Variants in MEIS2 observed in about 807,000 individuals in gnomAD.
The protein encoded by MEIS2 is homeobox protein Meis2.
MEIS2 carries 9 observed loss-of-function variants against 58.6 expected under a neutral mutation model. The ratio of observed to expected loss-of-function variants is 0.15; its 90% confidence interval spans 0.09 to 0.27. MEIS2 has a LOEUF of 0.27. Ranked by LOEUF, MEIS2 falls within the 10% of genes least tolerant of loss-of-function variation. MEIS2 has a pLI of 1.00. For synonymous variants in MEIS2, 221 were observed against 228.4 expected, an observed-to-expected ratio of 0.97 and a Z score of 0.29; for missense variants, 427 against 635.0, an observed-to-expected ratio of 0.67 and a Z score of 3.52.
intron 7 of MEIS2, among the ~76,000 whole-genome samples, chr15:37,044,962 A>G (rs1327188143): frequency 6.6e-6 from 1 of 152,154 alleles, no homozygotes; most frequent in African/African-American, 2.4e-5. Context: ...ATCTGCTTTG[A>G]AGAAAGCGCC....
intron 7 of MEIS2, among the ~76,000 whole-genome samples, chr15:37,055,314 T>C (rs1362182951): frequency 6.6e-6 from 1 of 152,106 alleles, no homozygotes; most frequent in Non-Finnish European, 1.5e-5. Context: ...GGTTTTCCTA[T>C]CCCTCCTTAC....
intron 8 of MEIS2, among the ~76,000 whole-genome samples, chr15:36,973,292 A>G (rs2059628506): frequency 6.6e-6 from 1 of 152,206 alleles, no homozygotes; most frequent in Non-Finnish European, 1.5e-5. Context: ...AAGTCACAAA[A>G]GGGCTCTTCA....
At chr15:36,943,186 T>C (rs1234038524) in intron 9 of MEIS2, among the ~76,000 whole-genome samples, 2 of 152,116 alleles carry the variant, frequency 1.3e-5, no homozygotes, top group African/African-American at 4.8e-5. Flanking sequence ...AATCGCTAAG[T>C]CAATATCATT....
At chr15:37,043,574 G>C (rs1344040499) in intron 7 of MEIS2, among the ~76,000 whole-genome samples, 5 of 151,032 alleles carry the variant, frequency 3.3e-5, no homozygotes, top group African/African-American at 1.2e-4. Flanking sequence ...TGAACTTAAT[G>C]TTTTTGCCTA....
intron 9 of MEIS2, among the ~76,000 whole-genome samples, chr15:36,936,597 T>A (rs1428145132): frequency 6.6e-6 from 1 of 152,252 alleles, no homozygotes; most frequent in African/African-American, 2.4e-5. Flanking sequence ...GTGAAAGATG[T>A]ATTATAAAAT....
At chr15:37,038,801 C>T (rs2062281393) in intron 7 of MEIS2, among the ~76,000 whole-genome samples, 1 of 152,202 alleles carries the variant, frequency 6.6e-6, no homozygotes, top group South Asian at 2.1e-4. Context: ...CCCATGTACA[C>T]CGGAGTGTCG....
intron 4 of MEIS2, 48 bp from the exon 5 acceptor site, chr15:37,094,625 G>A (rs1380989932): frequency 6.4e-7 from 1 of 1,567,064 alleles, no homozygotes. Context: ...TGACTCTGAG[G>A]TCCTGTCTTG....
chr15:36,944,097 C>T (rs2058471185), intron 9 of MEIS2, among the ~76,000 whole-genome samples: 1 of 152,124 alleles, frequency 6.6e-6, no homozygotes, highest in African/African-American at 2.4e-5. Context: ...GAATCTGCTG[C>T]AGGAAGTAAA....
At chr15:36,931,347 C>T (rs144158260) in intron 9 of MEIS2, among the ~76,000 whole-genome samples, 1 of 152,292 alleles carries the variant, frequency 6.6e-6, no homozygotes, top group East Asian at 1.9e-4. Context: ...GCTGACATTA[C>T]TTCAAGACAA....
At chr15:36,912,222 T>C (rs75434528) in intron 9 of MEIS2, among the ~76,000 whole-genome samples, 2 of 152,252 alleles carry the variant, frequency 1.3e-5, no homozygotes, top group Non-Finnish European at 2.9e-5. Flanking sequence ...ACAGCAACCA[T>C]GGAGTGGCTG....
At chr15:37,032,509 T>G (rs1354369168) in intron 8 of MEIS2, among the ~76,000 whole-genome samples, 3 of 152,220 alleles carry the variant, frequency 2.0e-5, no homozygotes, top group Non-Finnish European at 4.4e-5. Context: ...GCAAAAGGAA[T>G]GTACTTCTCT....
chr15:36,993,008 C>A (rs2141562246), intron 8 of MEIS2, among the ~76,000 whole-genome samples: 1 of 152,156 alleles, frequency 6.6e-6, no homozygotes, highest in African/African-American at 2.4e-5. Context: ...AAGTTAAATA[C>A]CCTGATTCCA....
chr15:36,908,761 C>T (rs922607524), intron 9 of MEIS2, among the ~76,000 whole-genome samples: 2 of 151,790 alleles, frequency 1.3e-5, no homozygotes, highest in African/African-American at 2.4e-5. Context: ...GTGGAGAAAC[C>T]CCGTCTCTAC....
chr15:37,081,816 C>A (rs1041107517), intron 7 of MEIS2, among the ~76,000 whole-genome samples: 10 of 152,166 alleles, frequency 6.6e-5, no homozygotes, highest in African/African-American at 2.4e-4. Flanking sequence ...TCAAATCCTT[C>A]AGCATTGGAT....
Position 36,968,419 on chromosome 15 carries a change from C to T in MEIS2, c.901-18019G>A, listed in dbSNP as rs186344609. Reference sequence around the variant, plus strand: ...TTCTAATGGCAGGCAAGTTTCTTGTCAAAGCAGGAAGCTACTCAGCCTGAA... The same window carrying T: ...TTCTAATGGCAGGCAAGTTTCTTGTTAAAGCAGGAAGCTACTCAGCCTGAA... On this transcript the variant is annotated intron_variant, in intron 8 of 11. Transcript: ENST00000561208. 7.1e-4 allele frequency among the ~76,000 whole-genome samples: 108 copies of T among 152,156 alleles called. 1 individual carries two copies. The highest frequency in any genetic ancestry group is 3.4e-3 in the Middle Eastern group (1 of 294).
At chr15:36,913,007 T>C (rs998591168) in intron 9 of MEIS2, among the ~76,000 whole-genome samples, 1 of 152,138 alleles carries the variant, frequency 6.6e-6, no homozygotes, top group Non-Finnish European at 1.5e-5. Context: ...CAAAAACTTA[T>C]ATACAGCAGA....
intron 8 of MEIS2, among the ~76,000 whole-genome samples, chr15:36,966,703 A>T (rs2059370085): frequency 6.6e-6 from 1 of 152,218 alleles, no homozygotes; most frequent in Non-Finnish European, 1.5e-5. Flanking sequence ...TATTCTGGCA[A>T]GGAGTGAAGG....
intron 7 of MEIS2, among the ~76,000 whole-genome samples, chr15:37,043,795 C>A (rs1416269193): frequency 6.7e-6 from 1 of 149,122 alleles, no homozygotes; most frequent in Non-Finnish European, 1.5e-5. Flanking sequence ...TCAAGCGATT[C>A]TCCTGCTTCA....
rs545891533 is a variant in MEIS2 at position 37,007,691 on chromosome 15, C to A, written c.900+29123G>T. 6.8e-4 allele frequency among the ~76,000 whole-genome samples: 103 copies of A among 152,340 alleles called. 1 individual carries two copies. The highest frequency in any genetic ancestry group is 1.2e-3 in the Non-Finnish European group (82 of 68,016). On this transcript the variant is annotated intron_variant, in intron 8 of 11. Transcript: ENST00000561208. The stretch of plus-strand genomic sequence containing the variant: ...GCTTCCCATCACCTTTTTGTGAATA[C>A]ACACTTGGGGACCACTGATTTAGAA...
Sources: allele counts gnomAD v4.1 joint callset (sites outside exome capture counted in the v4.1 genomes callset), GRCh38; gene constraint gnomAD v4.1.1; transcripts MANE v1.5; gene names NCBI Gene and HGNC (gene_info 2026-07-23, HGNC 2026-07-21).